DLG2: variants seen among roughly 807,000 people sequenced by gnomAD.
DLG2 encodes discs large MAGUK scaffold protein 2.
A neutral mutation model predicts 132.5 loss-of-function variants in DLG2; 45 were observed. The ratio of observed to expected loss-of-function variants is 0.34; its 90% confidence interval spans 0.27 to 0.44. DLG2 has a LOEUF of 0.44. Among genes scored for constraint, DLG2 ranks in the 20% least tolerant of loss-of-function variants. The probability of loss-of-function intolerance (pLI) is 1.00; values close to 1 mark genes in which losing one functional copy is unlikely to be tolerated. For missense variants in DLG2, 1,045 were observed against 1,196.9 expected (o/e 0.87, Z 1.87); for synonymous variants, 424 against 419.6 (o/e 1.01, Z -0.13).
At chr11:84,112,010 T>A (rs992438498) in intron 9 of DLG2, among the ~76,000 whole-genome samples, 1 of 152,018 alleles carries the variant, frequency 6.6e-6, no homozygotes, top group African/African-American at 2.4e-5. Context: ...TAACCACTTT[T>A]TTTTCCCTTT....
At chr11:83,556,202 A>G (rs2096513631) in intron 19 of DLG2, among the ~76,000 whole-genome samples, 2 of 152,302 alleles carry the variant, frequency 1.3e-5, no homozygotes, top group South Asian at 4.1e-4. Context: ...GAAGTTTGAC[A>G]CATTCATAGA....
At position 83,471,641 on chromosome 11, in the gene DLG2, C is replaced by T; in HGVS notation, c.2431G>A (p.Gly811Ser). 1 of 1,612,926 alleles carries T rather than the reference C, an allele frequency of 6.2e-7. No homozygotes were observed. Among genetic ancestry groups the T allele is most frequent in the Non-Finnish European group, 8.5e-7 (1 of 1,179,268 alleles). Residue 811 changes from glycine to serine, a missense_variant, in exon 24 of 28, where the codon GGC (glycine) becomes AGC (serine). Coordinates refer to ENST00000376104, the MANE Select transcript of DLG2 (RefSeq NM_001142699.3). ...DLISEFPDKF[G>S]SCVPHTTRPK... ...TGACACTTACGAGGCACACAGGAGC[C>T]AAATTTATCAGGGAATTCAGATATC...
At chr11:84,358,950 C>T (rs1278846343) in intron 7 of DLG2, among the ~76,000 whole-genome samples, 1 of 151,864 alleles carries the variant, frequency 6.6e-6, no homozygotes, top group Non-Finnish European at 1.5e-5. Flanking sequence ...GATCATTTCT[C>T]TTACATTGTT....
At chr11:84,049,112 C>A (rs1386849764) in intron 11 of DLG2, among the ~76,000 whole-genome samples, 2 of 150,346 alleles carry the variant, frequency 1.3e-5, no homozygotes, top group Non-Finnish European at 3.0e-5. Context: ...GAAAAAAAAA[C>A]AAAAACCAGG....
chr11:85,569,903 C>T (rs2077746177), intron 3 of DLG2, among the ~76,000 whole-genome samples: 1 of 152,106 alleles, frequency 6.6e-6, no homozygotes, highest in Non-Finnish European at 1.5e-5. Context: ...AAATAGATCA[C>T]TATACCAAAA....
At position 84,305,963 on chromosome 11, in the gene DLG2, A is replaced by C. The variant is rs142158870; in HGVS notation, c.520-54672T>G. On this transcript the variant is annotated intron_variant, in intron 7 of 27. Coordinates refer to ENST00000376104, the MANE Select transcript of DLG2 (RefSeq NM_001142699.3). ...GGCAATCAAATAAAATATTTTAAAA[A>C]CAACTTTATTAATGAAATTTGGTGA... 2.4e-3 allele frequency among the ~76,000 whole-genome samples: 366 copies of C among 152,286 alleles called. 1 individual carries two copies. The highest frequency in any genetic ancestry group is 8.3e-3 in the African/African-American group (346 of 41,574).
intron 5 of DLG2, among the ~76,000 whole-genome samples, chr11:85,144,878 T>G (rs1187337075): frequency 1.3e-5 from 2 of 152,082 alleles, no homozygotes; most frequent in Non-Finnish European, 2.9e-5. Context: ...AGTGTTGCAG[T>G]ATTCTGTATT....
At chr11:85,237,020 C>G (rs1011894339) in intron 4 of DLG2, among the ~76,000 whole-genome samples, 1 of 152,002 alleles carries the variant, frequency 6.6e-6, no homozygotes, top group Non-Finnish European at 1.5e-5. Flanking sequence ...GACACAGAGC[C>G]CACAGAAGCC....
At chr11:85,480,766 A>C (rs1392774256) in intron 3 of DLG2, among the ~76,000 whole-genome samples, 2 of 152,224 alleles carry the variant, frequency 1.3e-5, no homozygotes, top group African/African-American at 4.8e-5. Context: ...CAATTAAATA[A>C]AAAGAATCTA....
At chr11:84,986,380 C>T (rs10898341) in intron 6 of DLG2, among the ~76,000 whole-genome samples, 1 of 151,856 alleles carries the variant, frequency 6.6e-6, no homozygotes, top group Non-Finnish European at 1.5e-5. Context: ...GGTACCAACC[C>T]TATTGACACT....
chr11:84,625,980 TTTTC>T (rs1202876578), intron 6 of DLG2, among the ~76,000 whole-genome samples: 1 of 152,206 alleles, frequency 6.6e-6, no homozygotes, highest in African/African-American at 2.4e-5. Context: ...TAGAATGTAT[TTTTC>T]TTTGTCTTTG....
chr11:85,364,132 A>C (rs982590900), intron 3 of DLG2, among the ~76,000 whole-genome samples: 1 of 152,146 alleles, frequency 6.6e-6, no homozygotes, highest in Non-Finnish European at 1.5e-5. Flanking sequence ...AGGTCCAGCT[A>C]TGTTTCTACT....
chr11:85,268,853 G>A lies in DLG2; in HGVS notation c.186+16367C>T, dbSNP rs542109749. On this transcript the variant is annotated intron_variant, in intron 4 of 27. Coordinates refer to ENST00000376104, the MANE Select transcript of DLG2 (RefSeq NM_001142699.3). Reference sequence around the variant, plus strand: ...TTGGGAGAAGAATTAGGGAATGATTGGTGGTTTTAAAATGATAGAAAAGAA... The same window carrying A: ...TTGGGAGAAGAATTAGGGAATGATTAGTGGTTTTAAAATGATAGAAAAGAA... Among the ~76,000 whole-genome samples, 17 of 152,278 alleles carry A rather than the reference G, an allele frequency of 1.1e-4. No homozygotes were observed. The South Asian group carries it at 3.5e-3, about 32-fold the overall frequency.
At chr11:83,783,299 A>C (rs577839892) in intron 18 of DLG2, among the ~76,000 whole-genome samples, 1 of 152,306 alleles carries the variant, frequency 6.6e-6, no homozygotes, top group South Asian at 2.1e-4. Context: ...AGTGAGTAAA[A>C]TTGTGATCTC....
intron 6 of DLG2, among the ~76,000 whole-genome samples, chr11:84,976,169 G>T (rs1019436962): frequency 6.6e-6 from 1 of 152,012 alleles, no homozygotes; most frequent in African/African-American, 2.4e-5. Flanking sequence ...CTTTAAACTT[G>T]CTGAAGACTG....
chr11:84,648,931 T>A (rs1054655018), intron 6 of DLG2, among the ~76,000 whole-genome samples: 4 of 152,158 alleles, frequency 2.6e-5, no homozygotes, highest in Admixed American at 6.6e-5. Context: ...TATTCCCTTA[T>A]AACAACACAA....
chr11:84,053,321 C>T (rs1461022560), intron 11 of DLG2, among the ~76,000 whole-genome samples: 1 of 151,892 alleles, frequency 6.6e-6, no homozygotes, highest in Non-Finnish European at 1.5e-5. Context: ...CTGTTGGATG[C>T]TGGGCTTAAT....
At chr11:84,367,152 T>G (rs2098687367) in intron 7 of DLG2, among the ~76,000 whole-genome samples, 1 of 152,154 alleles carries the variant, frequency 6.6e-6, no homozygotes, top group Non-Finnish European at 1.5e-5. Context: ...AACTCAGGAT[T>G]AAGAAACTCA....
intron 6 of DLG2, among the ~76,000 whole-genome samples, chr11:84,853,757 C>T (rs1171509479): frequency 6.6e-6 from 1 of 151,928 alleles, no homozygotes; most frequent in African/African-American, 2.4e-5. Context: ...CCACAATTAG[C>T]CCAAGTCTTT....
Sources: gnomAD v4.1 joint callset for allele counts (sites outside exome capture counted in the v4.1 genomes callset) on GRCh38, gnomAD v4.1.1 for gene constraint, MANE v1.5 for transcripts, NCBI Gene and HGNC (gene_info 2026-07-23, HGNC 2026-07-21) for gene names.